Variants in MGAM2 observed in about 807,000 individuals in gnomAD.
MGAM2 encodes maltase-glucoamylase 2 (putative).
A neutral mutation model predicts 96.1 loss-of-function variants in MGAM2; 98 were observed. The observed-to-expected ratio is 1.02, with a 90% confidence interval of 0.87 to 1.21. MGAM2 has a LOEUF of 1.21. Ranked by LOEUF, MGAM2 falls within the 50% of genes most tolerant of loss-of-function variation. The probability of loss-of-function intolerance (pLI) is 0.00; values close to 1 mark genes in which losing one functional copy is unlikely to be tolerated. For synonymous variants in MGAM2, 749 were observed against 414.8 expected, an observed-to-expected ratio of 1.81 and a Z score of -9.79; for missense variants, 2,055 against 1,182.4, an observed-to-expected ratio of 1.74 and a Z score of -10.82.
intron 34 of MGAM2, among the ~76,000 whole-genome samples, chr7:142,185,649 C>T (rs140395781): frequency 1.5e-4 from 23 of 151,264 alleles, no homozygotes; most frequent in African/African-American, 3.9e-4. Flanking sequence ...TAATATCACA[C>T]TGATATTTAA....
intron 32 of MGAM2, among the ~76,000 whole-genome samples, chr7:142,176,507 C>T (rs1429326140): frequency 6.6e-6 from 1 of 152,102 alleles, no homozygotes; most frequent in Admixed American, 6.6e-5. Context: ...CAAGGCAGTG[C>T]TCTTTTTCTT....
At chr7:142,180,358 C>T (rs1796500955) in intron 32 of MGAM2, among the ~76,000 whole-genome samples, 1 of 151,946 alleles carries the variant, frequency 6.6e-6, no homozygotes. Context: ...TTTAGCTCTG[C>T]TCTGATTATG....
At chr7:142,202,864 C>A (rs1797282696) in intron 45 of MGAM2, among the ~76,000 whole-genome samples, 1 of 151,966 alleles carries the variant, frequency 6.6e-6, no homozygotes, top group African/African-American at 2.4e-5. Context: ...AATTGTAGTC[C>A]TGTTTTAATT....
chr7:142,184,824 A>G (rs1474200042), intron 33 of MGAM2, among the ~76,000 whole-genome samples: 1 of 152,228 alleles, frequency 6.6e-6, no homozygotes, highest in Non-Finnish European at 1.5e-5. Flanking sequence ...GGTTGTTCAG[A>G]GGATATGTTT....
chr7:142,193,450 T>C (rs1796933779), intron 37 of MGAM2, among the ~76,000 whole-genome samples: 1 of 152,178 alleles, frequency 6.6e-6, no homozygotes, highest in Non-Finnish European at 1.5e-5. Flanking sequence ...AAAATGCCTT[T>C]GTTTGTCAGC....
chr7:142,165,614 C>T (rs1796007463), intron 24 of MGAM2, among the ~76,000 whole-genome samples: 1 of 152,140 alleles, frequency 6.6e-6, no homozygotes, highest in Non-Finnish European at 1.5e-5. Context: ...AATGGGGCTC[C>T]AATCTCAGCT....
chr7:142,150,945 C>G (rs2129083705), intron 15 of MGAM2, among the ~76,000 whole-genome samples: 1 of 152,224 alleles, frequency 6.6e-6, no homozygotes, highest in Admixed American at 6.5e-5. Context: ...GTCCATTTTG[C>G]AAAATATGCT....
chr7:142,114,938 C>T (rs1817335372), intron 1 of MGAM2, among the ~76,000 whole-genome samples: 1 of 152,090 alleles, frequency 6.6e-6, no homozygotes, highest in Non-Finnish European at 1.5e-5. Context: ...TTTTAAATTA[C>T]AGGCACGGTG....
At chr7:142,194,167 C>T (rs10269771) in intron 37 of MGAM2, among the ~76,000 whole-genome samples, 50,361 of 151,740 alleles carry the variant, frequency 0.33, 9,255 homozygotes, top group African/African-American at 0.47. Flanking sequence ...CTAGTAGCTG[C>T]AATTAGAGTT....
intron 27 of MGAM2, 88 bp from the exon 28 acceptor site, chr7:142,171,184 C>T: frequency 1.4e-6 from 1 of 698,162 alleles, no homozygotes. Context: ...ATTAAGGAGG[C>T]TTTGGAATCA....
chr7:142,219,483 C>G (rs886933194), intron 47 of MGAM2, among the ~76,000 whole-genome samples: 7 of 152,148 alleles, frequency 4.6e-5, no homozygotes, highest in African/African-American at 1.4e-4. Context: ...TATCTGATGC[C>G]TATTATGTGC....
At chr7:142,129,615 A>G (rs2129076679) in intron 3 of MGAM2, among the ~76,000 whole-genome samples, 1 of 152,048 alleles carries the variant, frequency 6.6e-6, no homozygotes, top group African/African-American at 2.4e-5. Flanking sequence ...ACCTGAGGTC[A>G]GGAGTTCGAG....
intron 1 of MGAM2, among the ~76,000 whole-genome samples, chr7:142,113,698 G>A (rs1020200388): frequency 6.6e-6 from 1 of 152,094 alleles, no homozygotes; most frequent in Non-Finnish European, 1.5e-5. Context: ...TTGAATATAT[G>A]AATCTAAATC....
At chr7:142,149,830 C>A (rs564792533) in intron 15 of MGAM2, among the ~76,000 whole-genome samples, 1 of 152,178 alleles carries the variant, frequency 6.6e-6, no homozygotes, top group Non-Finnish European at 1.5e-5. Flanking sequence ...CGTGAGCCAC[C>A]GCGCCCGGCC....
At chr7:142,139,967 G>A (rs1020194479) in intron 10 of MGAM2, among the ~76,000 whole-genome samples, 1 of 152,124 alleles carries the variant, frequency 6.6e-6, no homozygotes. Context: ...GGACACGTGG[G>A]TCCTAAATGA....
rs1256174064 is a variant in MGAM2, at chr7:142,171,654, A to C, written c.3351+214A>C. Among the ~76,000 whole-genome samples, 274 of 68,102 alleles carry C rather than the reference A, an allele frequency of 4.0e-3. 2 individuals carry two copies. Among genetic ancestry groups the C allele is most frequent in the African/African-American group, 0.011 (209 of 18,904 alleles). 44.7% of individuals were successfully genotyped at this position (68,102 alleles called of 152,430 possible). On this transcript the variant is annotated intron_variant, in intron 28 of 47. Coordinates refer to ENST00000477922, the MANE Select transcript of MGAM2 (RefSeq NM_001293626.2). ...TATATATATATATATATATATATAT[A>C]TCCACAACTGACAGAGGGAAATATG...
At chr7:142,155,087 A>G (rs1206558825) in intron 17 of MGAM2, among the ~76,000 whole-genome samples, 1 of 152,220 alleles carries the variant, frequency 6.6e-6, no homozygotes, top group African/African-American at 2.4e-5. Flanking sequence ...AAGATTTGTT[A>G]AAGTTTCTAT....
chr7:142,140,132 G>GA (rs918827754), intron 10 of MGAM2, among the ~76,000 whole-genome samples: 17 of 152,050 alleles, frequency 1.1e-4, no homozygotes, highest in Admixed American at 1.3e-4. Flanking sequence ...GCAGATTGGG[G>GA]AAAAAAAGAG....
intron 44 of MGAM2, among the ~76,000 whole-genome samples, 159 bp downstream of exon 44, chr7:142,198,898 C>T (rs1157244326): frequency 1.3e-5 from 2 of 152,100 alleles, no homozygotes; most frequent in East Asian, 1.9e-4. Context: ...GAGTGGGACT[C>T]GGAGGAAGAT....
Sources: gnomAD v4.1 joint callset for allele counts (sites outside exome capture counted in the v4.1 genomes callset) on GRCh38, gnomAD v4.1.1 for gene constraint, MANE v1.5 for transcripts, NCBI Gene and HGNC (gene_info 2026-07-23, HGNC 2026-07-21) for gene names.